URAD: variants seen among roughly 807,000 people sequenced by gnomAD.
The protein encoded by URAD is putative 2-oxo-4-hydroxy-4-carboxy-5-ureidoimidazoline decarboxylase.
URAD carries 4 observed loss-of-function variants against 4.6 expected under a neutral mutation model. The ratio of observed to expected loss-of-function variants is 0.87; its 90% CI spans 0.43 to 1.98. The LOEUF (loss-of-function observed/expected upper bound fraction) is 1.98. Among genes scored for constraint, URAD ranks in the 30% most tolerant of loss-of-function variants. URAD has a pLI of 0.03. For missense variants in URAD, 300 were observed against 255.3 expected (o/e 1.18, Z -1.19); for synonymous variants, 144 against 118.2 (o/e 1.22, Z -1.41).
chr13:27,987,797 C>A (rs1252314884), intron 1 of URAD, among the ~76,000 whole-genome samples: 1 of 152,164 alleles, frequency 6.6e-6, no homozygotes, highest in Non-Finnish European at 1.5e-5. Flanking sequence ...GTGCTTGACT[C>A]TTACGGACTA....
intron 1 of URAD, among the ~76,000 whole-genome samples, chr13:27,987,131 G>A (rs753337003): frequency 6.6e-6 from 1 of 152,198 alleles, no homozygotes; most frequent in African/African-American, 2.4e-5. Context: ...GCTGTCAAAG[G>A]CCATCCTGAT....
At chr13:27,978,827 C>T (rs534137738) in intron 1 of URAD, among the ~76,000 whole-genome samples, 7 of 152,122 alleles carry the variant, frequency 4.6e-5, no homozygotes, top group Non-Finnish European at 1.0e-4. Context: ...CGGGAGGGAG[C>T]AGAGACGCGA....
At chr13:27,981,477 G>A (rs932463823) in intron 1 of URAD, among the ~76,000 whole-genome samples, 6 of 152,182 alleles carry the variant, frequency 3.9e-5, no homozygotes, top group African/African-American at 1.2e-4. Flanking sequence ...GGTGTGTCAC[G>A]TCTAGAGATG....
Position 27,978,354 on chromosome 13 carries a change from C to A in URAD, c.274G>T (p.Gly92Cys). ...TCGTCCGCGCCCAGGCTCCTCAGGC[C>A]TGCGCCGCTCTGTTCCCGCTGCGAC... ...AESQREQSGA[G>C]LRSLGADERL... The change falls in exon 2 of 2, where the codon GGC (glycine) becomes TGC (cysteine). Residue 92 changes from glycine to cysteine, a missense_variant. Transcript: ENST00000332715. The A allele has an allele frequency of 7.1e-7, 1 of 1,403,434 alleles. No homozygotes were observed. The highest frequency in any genetic ancestry group is 9.2e-7 in the Non-Finnish European group (1 of 1,085,502). The allele number at this position is 1,403,434 out of a possible 1,614,324, so 86.9% of individuals were successfully genotyped here. A position where few individuals can be genotyped will look rare whatever the true frequency, so the allele number is the denominator to read the frequency against.
At chr13:27,982,610 T>A (rs190282702) in intron 1 of URAD, among the ~76,000 whole-genome samples, 1 of 152,204 alleles carries the variant, frequency 6.6e-6, no homozygotes, top group African/African-American at 2.4e-5. Flanking sequence ...CATTCTTTGA[T>A]GACAGCAAGA....
intron 1 of URAD, among the ~76,000 whole-genome samples, chr13:27,984,712 C>G (rs1278994954): frequency 6.6e-6 from 1 of 152,218 alleles, no homozygotes; most frequent in African/African-American, 2.4e-5. Flanking sequence ...GGCGCGGTGG[C>G]TCACACCAGT....
At chr13:27,986,821 C>G (rs1870041984) in intron 1 of URAD, among the ~76,000 whole-genome samples, 1 of 152,204 alleles carries the variant, frequency 6.6e-6, no homozygotes, top group Non-Finnish European at 1.5e-5. Context: ...CCTGCTCCTT[C>G]CGGCCTGCCC....
intron 1 of URAD, among the ~76,000 whole-genome samples, chr13:27,980,177 C>T (rs1042250527): frequency 2.6e-5 from 4 of 152,166 alleles, no homozygotes; most frequent in South Asian, 2.1e-4. Context: ...GATCCTCCCG[C>T]CTCGGCCTCC....
chr13:27,981,225 C>A (rs1162233151), intron 1 of URAD, among the ~76,000 whole-genome samples: 3 of 152,154 alleles, frequency 2.0e-5, no homozygotes, highest in Non-Finnish European at 4.4e-5. Flanking sequence ...CACTGGCCTG[C>A]AGCAAGGACC....
In URAD at chr13:27,980,098, C is replaced by T. The variant is rs9512951; in HGVS notation, c.176-1646G>A. ...TTTTGTGTGTTTTTTCAAGACAGCTCTGTCGCCCGGGATGGAGTGCAGTGG... is the reference window on the plus strand; with the variant it reads ...TTTTGTGTGTTTTTTCAAGACAGCTTTGTCGCCCGGGATGGAGTGCAGTGG... On this transcript the variant is annotated intron_variant, in intron 1 of 1. Transcript: ENST00000332715. Among the ~76,000 whole-genome samples the T allele has an allele frequency of 5.1e-3, 774 of 152,306 alleles. 1 individual carries two copies. The highest frequency in any genetic ancestry group is 7.0e-3 in the Non-Finnish European group (474 of 68,022).
intron 1 of URAD, 68 bp downstream of exon 1, chr13:27,988,395 A>G: frequency 6.8e-7 from 1 of 1,471,746 alleles, no homozygotes; most frequent in Non-Finnish European, 9.2e-7. Flanking sequence ...CCTGGCCAGT[A>G]TCTAAAAATA....
chr13:27,980,320 C>A (rs1413347861), intron 1 of URAD, among the ~76,000 whole-genome samples: 1 of 147,868 alleles, frequency 6.8e-6, no homozygotes, highest in African/African-American at 2.7e-5. Context: ...GCGTCCAGCT[C>A]CGTCAGGGTA....
intron 1 of URAD, among the ~76,000 whole-genome samples, chr13:27,983,690 T>C (rs1021199402): frequency 6.6e-6 from 1 of 152,320 alleles, no homozygotes; most frequent in Middle Eastern, 3.4e-3. Flanking sequence ...CCTGAAATAA[T>C]GGTATTTTTA....
chr13:27,981,321 A>C (rs7329212), intron 1 of URAD, among the ~76,000 whole-genome samples: 76,519 of 151,950 alleles, frequency 0.5, 20,075 homozygotes, highest in East Asian at 0.78. Context: ...AGTAGGTGCC[A>C]TCTCCTTGCC....
Position 27,988,477 on chromosome 13 carries a change from G to T in URAD, c.161C>A (p.Ala54Asp), listed in dbSNP as rs764911617. The T allele has an allele frequency of 6.2e-7, 1 of 1,611,214 alleles. No individual in the cohort carries two copies. The highest frequency in any genetic ancestry group is 2.2e-5 in the East Asian group (1 of 44,872). The change falls in exon 1 of 2, where the codon GCC becomes GAC. Residue 54 changes from alanine to aspartate, a missense_variant. Transcript: ENST00000332715. ...GGAAGCCTTACCTGACTGTGCAAGG[G>T]CATCAATAAAGGCAAAAAAGTGCTT... ...LEKHFFAFID[A>D]LAQSGQEGIL...
intron 1 of URAD, among the ~76,000 whole-genome samples, chr13:27,986,524 TTA>T (rs60241969): frequency 0.054 from 8,171 of 152,134 alleles, 668 homozygotes; most frequent in African/African-American, 0.18. Flanking sequence ...GGAGAAATTG[TTA>T]TGTTTTTATC....
intron 1 of URAD, among the ~76,000 whole-genome samples, chr13:27,984,936 G>A (rs1268105889): frequency 6.6e-6 from 1 of 152,044 alleles, no homozygotes; most frequent in Non-Finnish European, 1.5e-5. Flanking sequence ...CTGAGATTGT[G>A]CCACTGCACT....
chr13:27,982,814 T>G (rs1479071667), intron 1 of URAD, among the ~76,000 whole-genome samples: 1 of 152,164 alleles, frequency 6.6e-6, no homozygotes, highest in Non-Finnish European at 1.5e-5. Flanking sequence ...ACTGAAAACT[T>G]AGGAGTGACC....
Position 27,978,277 on chromosome 13 carries a change from G to T in URAD, c.351C>A (p.Phe117Leu). The change falls in exon 2 of 2, where the codon TTC (phenylalanine) becomes TTA (leucine). Residue 117 changes from phenylalanine (F) to leucine (L), a missense_variant. Coordinates refer to ENST00000332715, the MANE Select transcript of URAD (RefSeq NM_001105577.2). ...LNAQYRARFG[F>L]PFVLAARFSD... ...TGAAGCGCGCGGCGAGCACGAAGGG[G>T]AAACCGAAGCGCGCGCGGTACTGCG... is the stretch of plus-strand genomic sequence containing the variant. 7.0e-7 allele frequency: 1 copy of T among 1,425,552 alleles called. No individual in the cohort carries two copies. Among genetic ancestry groups the T allele is most frequent in the Non-Finnish European group, 9.1e-7 (1 of 1,099,168 alleles). The allele number at this position is 1,425,552 out of a possible 1,614,324, so 88.3% of individuals were successfully genotyped here.
Sources: gnomAD v4.1 joint callset for allele counts (sites outside exome capture counted in the v4.1 genomes callset) on GRCh38, gnomAD v4.1.1 for gene constraint, MANE v1.5 for transcripts, NCBI Gene and HGNC (gene_info 2026-07-23, HGNC 2026-07-21) for gene names.